The following ACVR1C variants were observed in gnomAD, a reference collection of about 807,000 sequenced individuals.
ACVR1C encodes the protein activin A receptor type 1C.
Under a neutral mutation model 57.9 loss-of-function variants are expected in ACVR1C, and 23 were observed. The ratio of observed to expected loss-of-function variants is 0.40; its 90% confidence interval spans 0.29 to 0.56. The LOEUF is 0.56. ACVR1C is among the 20% of genes least tolerant of loss of function. ACVR1C has a pLI of 0.50. For synonymous variants in ACVR1C, 214 were observed against 215.3 expected, an observed-to-expected ratio of 0.99 and a Z score of 0.05; for missense variants, 480 against 607.9, an observed-to-expected ratio of 0.79 and a Z score of 2.21.
intron 1 of ACVR1C, among the ~76,000 whole-genome samples, chr2:157,610,773 A>G (rs1390302593): frequency 6.6e-6 from 1 of 151,808 alleles, no homozygotes; most frequent in Non-Finnish European, 1.5e-5. Flanking sequence ...GACTTTTTTG[A>G]AAGACGTGTC....
chr2:157,598,814 C>T (rs981063231), intron 1 of ACVR1C, among the ~76,000 whole-genome samples: 4 of 152,090 alleles, frequency 2.6e-5, no homozygotes, highest in Non-Finnish European at 5.9e-5. Flanking sequence ...GCTGGGGCTA[C>T]AGGCGTGAGT....
At chr2:157,598,319 T>C (rs544329255) in intron 1 of ACVR1C, among the ~76,000 whole-genome samples, 49 of 151,550 alleles carry the variant, frequency 3.2e-4, no homozygotes, top group African/African-American at 1.1e-3. Context: ...CATAAATATA[T>C]ACAATTATGA....
At chr2:157,595,201 G>A (rs1226427832) in intron 1 of ACVR1C, among the ~76,000 whole-genome samples, 1 of 152,238 alleles carries the variant, frequency 6.6e-6, no homozygotes, top group Non-Finnish European at 1.5e-5. Context: ...CCCTTTGAAA[G>A]GATGAAAATG....
intron 3 of ACVR1C, among the ~76,000 whole-genome samples, chr2:157,555,152 C>T (rs1416603797): frequency 7.8e-6 from 1 of 127,560 alleles, no homozygotes; most frequent in Non-Finnish European, 1.6e-5. Flanking sequence ...CGCTCTGTCA[C>T]CCAGGCCGGA....
At chr2:157,566,119 T>C (rs536145883) in intron 2 of ACVR1C, among the ~76,000 whole-genome samples, 1 of 152,366 alleles carries the variant, frequency 6.6e-6, no homozygotes, top group East Asian at 1.9e-4. Context: ...AAATAATGCA[T>C]GTCTGTAAAT....
At chr2:157,581,481 TA>T (rs1688789681) in intron 2 of ACVR1C, among the ~76,000 whole-genome samples, 1 of 152,012 alleles carries the variant, frequency 6.6e-6, no homozygotes. Flanking sequence ...ACACACCTAC[TA>T]GGGGGAGACG....
Position 157,606,285 on chromosome 2 carries a change from T to TA in ACVR1C, c.74-18869dup, listed in dbSNP as rs536862263. On this transcript the variant is annotated intron_variant, in intron 1 of 8. Transcript: ENST00000243349. ...CATGTGAGTGCAGGTATCCCTTTGA[T>TA]ATACTGATTTATTTCCTTTGGATAA... Among the ~76,000 whole-genome samples, 897 of 151,902 alleles carry TA rather than the reference T, an allele frequency of 5.9e-3. 7 individuals are homozygous for TA. The highest frequency in any genetic ancestry group is 0.02 in the African/African-American group (846 of 41,540).
intron 8 of ACVR1C, 75 bp downstream of exon 8, chr2:157,538,498 T>C: frequency 1.5e-6 from 2 of 1,306,806 alleles, no homozygotes; most frequent in Non-Finnish European, 2.0e-6. Flanking sequence ...AAAAACTATA[T>C]GGTCTCTGAA....
chr2:157,533,795 A>T lies in ACVR1C; in HGVS notation c.*123T>A. The T allele has an allele frequency of 1.4e-5, 13 of 913,838 alleles. No individual in the cohort carries two copies. Among genetic ancestry groups the T allele is most frequent in the Non-Finnish European group, 1.9e-5 (13 of 673,232 alleles). 56.6% of individuals were successfully genotyped at this position (913,838 alleles called of 1,614,324 possible). A position where few individuals can be genotyped will look rare whatever the true frequency, so the allele number is the denominator to read the frequency against. On this transcript the variant is annotated 3_prime_UTR_variant, in exon 9 of 9. Coordinates refer to ENST00000243349, the MANE Select transcript of ACVR1C (RefSeq NM_145259.3). ...TATCTTTTCATGCTGCCTTATGGGC[A>T]CTTAAATACTGTACTGTCTTATCTT... is the stretch of plus-strand genomic sequence containing the variant.
chr2:157,594,917 T>C lies in ACVR1C; in HGVS notation c.74-7500A>G, dbSNP rs143771727. Among the ~76,000 whole-genome samples, 428 of 152,318 alleles carry C rather than the reference T, an allele frequency of 2.8e-3. 11 individuals are homozygous for C. In the East Asian group the frequency reaches 0.05, roughly 18 times the overall value. On this transcript the variant is annotated intron_variant, in intron 1 of 8. Transcript: ENST00000243349. Reference sequence around the variant, plus strand: ...ACTGCCTCAAAATTTTGAATACATATGGAAAGGACACGTATGATGGCACAA... The same window carrying C: ...ACTGCCTCAAAATTTTGAATACATACGGAAAGGACACGTATGATGGCACAA...
In ACVR1C at chr2:157,580,055, G is replaced by A. The variant is rs188554258; in HGVS notation, c.304+7132C>T. 4.0e-4 allele frequency among the ~76,000 whole-genome samples: 60 copies of A among 148,820 alleles called. No homozygotes were observed. The East Asian group carries it at 4.8e-3, about 12-fold the overall frequency. On this transcript the variant is annotated intron_variant, in intron 2 of 8. Coordinates refer to ENST00000243349, the MANE Select transcript of ACVR1C (RefSeq NM_145259.3). The stretch of plus-strand genomic sequence containing the variant: ...GCACCCCCTCTCTTCCCCAACCCCC[G>A]TCTTGCAATTAACACACACACACAC...
At chr2:157,550,734 C>CAAAAAAAAAA (rs61211065) in intron 3 of ACVR1C, among the ~76,000 whole-genome samples, 1 of 138,618 alleles carries the variant, frequency 7.2e-6, no homozygotes. Context: ...AGAGTAAAAG[C>CAAAAAAAAAA]AAAAAAAAAA....
intron 1 of ACVR1C, among the ~76,000 whole-genome samples, chr2:157,598,791 G>A (rs531644965): frequency 3.4e-4 from 52 of 151,960 alleles, no homozygotes; most frequent in Non-Finnish European, 6.5e-4. Context: ...CACCCATCTC[G>A]GCCTCCCAAA....
rs138879688 is a variant in ACVR1C, at chr2:157,594,810, T to C, written c.74-7393A>G. Among the ~76,000 whole-genome samples, 263 of 152,308 alleles carry C rather than the reference T, an allele frequency of 1.7e-3. 1 individual carries two copies. The highest frequency in any genetic ancestry group is 6.0e-3 in the African/African-American group (251 of 41,568). On this transcript the variant is annotated intron_variant, in intron 1 of 8. Transcript: ENST00000243349. ...TAGTCTACATTCTACTAAGTAGATATTAAAATGTTTCCCAATAATATTTCA... is the reference window on the plus strand; with the variant it reads ...TAGTCTACATTCTACTAAGTAGATACTAAAATGTTTCCCAATAATATTTCA...
At position 157,556,167 on chromosome 2, in the gene ACVR1C, T is replaced by C. The variant is rs769179741; in HGVS notation, c.470A>G (p.Glu157Gly). Residue 157 changes from glutamate to glycine, a missense_variant, in exon 3 of 9, where the codon GAG becomes GGG. Coordinates refer to ENST00000243349, the MANE Select transcript of ACVR1C (RefSeq NM_145259.3). ...TTTTCCAGCATTTACCAGATTGCAC[T>C]CAGAGAGTGGTTCCTCCACATTTGG... is the stretch of plus-strand genomic sequence containing the variant. ...KRPNVEEPLS[E>G]CNLVNAGKTL... 2.5e-6 allele frequency: 4 copies of C among 1,613,984 alleles called. No individual in the cohort carries two copies. The highest frequency in any genetic ancestry group is 1.3e-5 in the African/African-American group (1 of 74,908).
At chr2:157,555,244 G>A (rs965646544) in intron 3 of ACVR1C, among the ~76,000 whole-genome samples, 37 of 149,256 alleles carry the variant, frequency 2.5e-4, no homozygotes, top group African/African-American at 7.4e-4. Flanking sequence ...TCAGCCTCCC[G>A]AGTAGCTGGG....
chr2:157,584,101 C>T (rs1302078510), intron 2 of ACVR1C, among the ~76,000 whole-genome samples: 1 of 151,530 alleles, frequency 6.6e-6, no homozygotes, highest in Non-Finnish European at 1.5e-5. Context: ...AAAATAGTCA[C>T]AATTTATCTA....
intron 2 of ACVR1C, among the ~76,000 whole-genome samples, chr2:157,566,436 T>A (rs1446637166): frequency 6.6e-6 from 1 of 152,172 alleles, no homozygotes; most frequent in Admixed American, 6.5e-5. Flanking sequence ...TTTCTGCATT[T>A]CCATCTGAGG....
chr2:157,595,671 T>C (rs1682079216), intron 1 of ACVR1C, among the ~76,000 whole-genome samples: 1 of 152,176 alleles, frequency 6.6e-6, no homozygotes, highest in South Asian at 2.1e-4. Flanking sequence ...CCACAATCAT[T>C]ATCATGACCT....
Sources: allele counts gnomAD v4.1 joint callset (sites outside exome capture counted in the v4.1 genomes callset), GRCh38; gene constraint gnomAD v4.1.1; transcripts MANE v1.5; gene names NCBI Gene and HGNC (gene_info 2026-07-23, HGNC 2026-07-21).